Variants in MLLT10 observed in about 807,000 individuals in gnomAD.
MLLT10 encodes the protein protein AF-10.
In MLLT10, 30 loss-of-function variants were observed where a neutral mutation model predicts 129.1. The observed-to-expected ratio is 0.23, with a 90% CI of 0.17 to 0.32. MLLT10 has a LOEUF of 0.32. Among genes scored for constraint, MLLT10 ranks in the 10% least tolerant of loss-of-function variants. MLLT10 has a pLI of 1.00. For synonymous variants in MLLT10, 490 were observed against 446.4 expected (o/e 1.10, Z -1.23); for missense variants, 1,119 against 1,268.3 (o/e 0.88, Z 1.79).
At chr10:21,674,976 A>G (rs1389471422) in intron 11 of MLLT10, among the ~76,000 whole-genome samples, 3 of 37,080 alleles carry the variant, frequency 8.1e-5, no homozygotes, top group East Asian at 4.7e-4. Context: ...TAAACAAACA[A>G]ATAAATAAAC....
intron 8 of MLLT10, among the ~76,000 whole-genome samples, chr10:21,639,315 C>G (rs1042470184): frequency 6.6e-6 from 1 of 152,136 alleles, no homozygotes; most frequent in East Asian, 1.9e-4. Flanking sequence ...TCAGATTACA[C>G]AGGTTGGGAA....
intron 7 of MLLT10, among the ~76,000 whole-genome samples, chr10:21,615,457 C>CAAAAAAAAAAAAAAAAAAA (rs71393914): frequency 1.3e-5 from 1 of 75,596 alleles, no homozygotes; most frequent in Non-Finnish European, 2.4e-5. Flanking sequence ...GACTCCGTCT[C>CAAAAAAAAAAAAAAAAAAA]AAAAAAAAAA....
intron 16 of MLLT10, 140 bp downstream of exon 16, chr10:21,728,068 AATG>A (rs767403222): frequency 5.1e-6 from 3 of 589,976 alleles, no homozygotes; most frequent in East Asian, 2.9e-5. Context: ...AGACAAGAAA[AATG>A]ATTCTAAATT....
intron 16 of MLLT10, among the ~76,000 whole-genome samples, chr10:21,728,654 T>G (rs774153380): frequency 2.6e-5 from 4 of 152,116 alleles, no homozygotes; most frequent in Non-Finnish European, 5.9e-5. Context: ...AAGCATGGTG[T>G]TAGACTGGGT....
chr10:21,620,166 G>T (rs997184412), intron 8 of MLLT10, among the ~76,000 whole-genome samples: 11 of 152,078 alleles, frequency 7.2e-5, no homozygotes, highest in Admixed American at 7.2e-4. Flanking sequence ...CTGACCTCGT[G>T]ATCCACCTGC....
intron 16 of MLLT10, among the ~76,000 whole-genome samples, chr10:21,729,868 A>G (rs1371384274): frequency 6.6e-6 from 1 of 152,228 alleles, no homozygotes; most frequent in African/African-American, 2.4e-5. Context: ...TGTAGAGAAC[A>G]TTACATGTTC....
chr10:21,539,412 CTTTTT>C (rs370995933), intron 3 of MLLT10, among the ~76,000 whole-genome samples: 1 of 120,712 alleles, frequency 8.3e-6, no homozygotes. Flanking sequence ...ACATAAAAAT[CTTTTT>C]TTTTTTTTTT....
intron 2 of MLLT10, among the ~76,000 whole-genome samples, chr10:21,537,427 A>G (rs2034245302): frequency 6.6e-6 from 1 of 152,004 alleles, no homozygotes; most frequent in Non-Finnish European, 1.5e-5. Context: ...CCTCCTGAGT[A>G]GCTGGGACTA....
chr10:21,717,677 T>TTCCTCCTCCTCCTCCTCCTCCTCCTCC (rs1218411767), intron 14 of MLLT10, among the ~76,000 whole-genome samples: 1 of 19,558 alleles, frequency 5.1e-5, no homozygotes, highest in African/African-American at 2.2e-4. Context: ...CCTCCTCCTC[T>TTCCTCCTCCTCCTCCTCCTCCTCCTCC]TCCTCCTCCT....
At chr10:21,638,187 A>C (rs947446689) in intron 8 of MLLT10, among the ~76,000 whole-genome samples, 7 of 137,284 alleles carry the variant, frequency 5.1e-5, no homozygotes, top group Non-Finnish European at 1.1e-4. Context: ...TTTCCTCTAA[A>C]GGACCAGATA....
intron 13 of MLLT10, among the ~76,000 whole-genome samples, chr10:21,693,696 A>G (rs527619530): frequency 2.6e-5 from 4 of 152,324 alleles, no homozygotes; most frequent in African/African-American, 9.6e-5. Context: ...ATATTTCAAA[A>G]TACAGCATCT....
Position 21,742,795 on chromosome 10 carries a change from C to T in MLLT10, c.*812C>T. On this transcript the variant is annotated 3_prime_UTR_variant, in exon 23 of 23. Coordinates refer to ENST00000307729, the MANE Select transcript of MLLT10 (RefSeq NM_001195626.3). ...CCCTTGATCAAGTGCCTCCATTGTG[C>T]TGCAAGGGCTGTAGACAGCAGGGTG... The T allele has an allele frequency of 4.4e-6, 1 of 227,552 alleles. No homozygotes were observed. The highest frequency in any genetic ancestry group is 8.7e-6 in the Non-Finnish European group (1 of 114,522). 14.1% of individuals were successfully genotyped at this position (227,552 alleles called of 1,614,324 possible). A position where few individuals can be genotyped will look rare whatever the true frequency, so the allele number is the denominator to read the frequency against.
chr10:21,597,109 G>A (rs1186884355), intron 5 of MLLT10, among the ~76,000 whole-genome samples: 1 of 151,782 alleles, frequency 6.6e-6, no homozygotes, highest in Non-Finnish European at 1.5e-5. Context: ...CAGGTTGCAG[G>A]AATAGTACAA....
chr10:21,733,250 A>T (rs906304188), intron 18 of MLLT10, among the ~76,000 whole-genome samples, 163 bp downstream of exon 18: 1 of 152,218 alleles, frequency 6.6e-6, no homozygotes, highest in Non-Finnish European at 1.5e-5. Context: ...GATCAACTTG[A>T]ATTTAACTTT....
At chr10:21,663,562 T>C (rs1025683461) in intron 9 of MLLT10, among the ~76,000 whole-genome samples, 2 of 151,692 alleles carry the variant, frequency 1.3e-5, no homozygotes, top group Non-Finnish European at 2.9e-5. Flanking sequence ...TTTGTTCGTT[T>C]GTTTGTTTTG....
chr10:21,604,638 A>G (rs1409987231), intron 5 of MLLT10, among the ~76,000 whole-genome samples: 1 of 152,210 alleles, frequency 6.6e-6, no homozygotes, highest in Non-Finnish European at 1.5e-5. Flanking sequence ...ATAGAAAACA[A>G]GTTATCTGTT....
chr10:21,707,843 T>G (rs946942315), intron 13 of MLLT10, among the ~76,000 whole-genome samples: 4 of 152,184 alleles, frequency 2.6e-5, no homozygotes, highest in African/African-American at 9.6e-5. Flanking sequence ...TATTACCTGT[T>G]TTTTCTTCTT....
At chr10:21,587,164 C>G (rs1458239146) in intron 4 of MLLT10, among the ~76,000 whole-genome samples, 1 of 151,804 alleles carries the variant, frequency 6.6e-6, no homozygotes, top group African/African-American at 2.4e-5. Flanking sequence ...CTTTGAGAGG[C>G]CAAGGTAGGA....
intron 13 of MLLT10, among the ~76,000 whole-genome samples, chr10:21,699,997 A>T (rs1215749094): frequency 2.0e-5 from 3 of 152,074 alleles, no homozygotes; most frequent in Non-Finnish European, 2.9e-5. Context: ...AATTCTTCCA[A>T]TTCATGAGCA....
Sources: allele counts gnomAD v4.1 joint callset (sites outside exome capture counted in the v4.1 genomes callset), GRCh38; gene constraint gnomAD v4.1.1; transcripts MANE v1.5; gene names NCBI Gene and HGNC (gene_info 2026-07-23, HGNC 2026-07-21).